Variants in ERBB4 observed in about 807,000 individuals in gnomAD.
ERBB4 encodes erb-b2 receptor tyrosine kinase 4, also known as receptor tyrosine-protein kinase erbB-4.
Under a neutral mutation model 158.0 loss-of-function variants are expected in ERBB4, and 42 were observed. The ratio of observed to expected loss-of-function variants is 0.27; its 90% CI spans 0.21 to 0.34. ERBB4 has a LOEUF of 0.34. Ranked by LOEUF, ERBB4 falls within the 10% of genes least tolerant of loss-of-function variation. ERBB4 has a pLI of 1.00. For missense variants in ERBB4, 1,333 were observed against 1,624.1 expected (o/e 0.82, Z 3.08); for synonymous variants, 583 against 558.7 (o/e 1.04, Z -0.61).
intron 2 of ERBB4, among the ~76,000 whole-genome samples, chr2:212,089,283 C>G (rs2078704393): frequency 6.6e-6 from 1 of 152,096 alleles, no homozygotes; most frequent in Admixed American, 6.6e-5. Context: ...GGGAATTCCA[C>G]TTTGGGAAAT....
At chr2:211,955,486 T>C (rs1328751435) in intron 2 of ERBB4, among the ~76,000 whole-genome samples, 5 of 152,118 alleles carry the variant, frequency 3.3e-5, no homozygotes, top group African/African-American at 9.7e-5. Flanking sequence ...TATTCCTGTA[T>C]CATAGACTTA....
chr2:211,399,668 G>C (rs550565133), intron 25 of ERBB4, among the ~76,000 whole-genome samples: 2 of 152,226 alleles, frequency 1.3e-5, no homozygotes, highest in African/African-American at 4.8e-5. Flanking sequence ...TCTTACAAAT[G>C]GGTGAGTGAT....
rs1193654581 is a variant in ERBB4 at position 211,755,327 on chromosome 2, C to T, written c.557-4623G>A. Among the ~76,000 whole-genome samples, 4 of 152,080 alleles carry T rather than the reference C, an allele frequency of 2.6e-5. No individual in the cohort carries two copies. The East Asian group carries it at 7.7e-4, about 29-fold the overall frequency. ...AACCAGCTTGGGCAACATGGCAAAA[C>T]CCGGCCTCTACAAAAAATGCAAAAA... On this transcript the variant is annotated intron_variant, in intron 4 of 27. Coordinates refer to ENST00000342788, the MANE Select transcript of ERBB4 (RefSeq NM_005235.3).
intron 4 of ERBB4, among the ~76,000 whole-genome samples, chr2:211,782,724 T>C (rs904410206): frequency 3.3e-5 from 5 of 152,160 alleles, no homozygotes; most frequent in Admixed American, 6.5e-5. Context: ...TCTGTTCCAT[T>C]GGTCTATATC....
chr2:211,905,051 C>T (rs1477018718), intron 3 of ERBB4, among the ~76,000 whole-genome samples: 1 of 152,096 alleles, frequency 6.6e-6, no homozygotes, highest in East Asian at 1.9e-4. Flanking sequence ...AAAAACAGCA[C>T]AAACTTACCG....
At chr2:211,899,722 A>C (rs2079185275) in intron 3 of ERBB4, among the ~76,000 whole-genome samples, 1 of 152,152 alleles carries the variant, frequency 6.6e-6, no homozygotes, top group African/African-American at 2.4e-5. Context: ...CCTTAATAGA[A>C]AAAGTAATGG....
chr2:212,150,457 C>T (rs890384821), intron 1 of ERBB4, among the ~76,000 whole-genome samples: 1 of 152,178 alleles, frequency 6.6e-6, no homozygotes, highest in Non-Finnish European at 1.5e-5. Context: ...TCACAATCTA[C>T]AATACTAGAG....
At position 212,003,140 on chromosome 2, in the gene ERBB4, GGAAGGAAGGAAAGAAA is replaced by G. The variant is rs1170821711; in HGVS notation, c.235-55540_235-55525del. On this transcript the variant is annotated intron_variant, in intron 2 of 27. Coordinates refer to ENST00000342788, the MANE Select transcript of ERBB4 (RefSeq NM_005235.3). ...AGGAAGGAAGGAAGGAAGGAAGGAAGGAAGGAAGGAAAGAAAGAAAGAAAGAAAGAAAGAAAGAAAG... is the reference window on the plus strand; with the variant it reads ...AGGAAGGAAGGAAGGAAGGAAGGAAGGAAAGAAAGAAAGAAAGAAAGAAAG... Among the ~76,000 whole-genome samples, 16 of 12,698 alleles carry G rather than the reference GGAAGGAAGGAAAGAAA, an allele frequency of 1.3e-3. 1 individual carries two copies. Among genetic ancestry groups the G allele is most frequent in the African/African-American group, 2.8e-3 (16 of 5,670 alleles). The allele number at this position is 12,698 out of a possible 152,430, so 8.3% of individuals were successfully genotyped here.
intron 1 of ERBB4, among the ~76,000 whole-genome samples, chr2:212,533,577 T>C (rs1485849961): frequency 2.0e-5 from 3 of 152,208 alleles, no homozygotes; most frequent in East Asian, 1.9e-4. Flanking sequence ...TCAGGAAACA[T>C]TGACCTACAA....
chr2:211,898,282 T>C (rs772629412), intron 3 of ERBB4, among the ~76,000 whole-genome samples: 24 of 152,176 alleles, frequency 1.6e-4, no homozygotes, highest in Non-Finnish European at 2.5e-4. Context: ...GATAGTTTAA[T>C]CATTTTGATA....
At chr2:212,004,338 T>C (rs2076210651) in intron 2 of ERBB4, among the ~76,000 whole-genome samples, 1 of 152,212 alleles carries the variant, frequency 6.6e-6, no homozygotes, top group Middle Eastern at 3.2e-3. Context: ...CCAAATAAGA[T>C]ACCCACAAAA....
At chr2:212,231,514 C>G (rs4233985) in intron 1 of ERBB4, among the ~76,000 whole-genome samples, 84,168 of 152,056 alleles carry the variant, frequency 0.55, 23,593 homozygotes, top group East Asian at 0.76. Flanking sequence ...TAAATGCCTT[C>G]AAAGAAACCT....
intron 3 of ERBB4, among the ~76,000 whole-genome samples, chr2:211,899,605 A>G (rs2079182339): frequency 6.6e-6 from 1 of 152,108 alleles, no homozygotes; most frequent in Non-Finnish European, 1.5e-5. Flanking sequence ...CTTACATTTG[A>G]TAAAAAGTTT....
At chr2:212,167,449 G>A (rs2081382002) in intron 1 of ERBB4, among the ~76,000 whole-genome samples, 1 of 152,114 alleles carries the variant, frequency 6.6e-6, no homozygotes, top group Admixed American at 6.6e-5. Flanking sequence ...ATACATGATG[G>A]TGAGGTTGTG....
Position 212,102,090 on chromosome 2 carries a change from T to TTATATATATATATATATATATATATATA in ERBB4, c.234+22661_234+22662insTATATATATATATATATATATATATATA, listed in dbSNP as rs57567965. On this transcript the variant is annotated intron_variant, in intron 2 of 27. Transcript: ENST00000342788. ...AAATCATATACGTTGAAAATTTATT[T>TTATATATATATATATATATATATATATA]TATATATATATATATATATATATGT... 9.9e-3 allele frequency among the ~76,000 whole-genome samples: 1,061 copies of TTATATATATATATATATATATATATATA among 107,478 alleles called. 46 individuals carry two copies. Among genetic ancestry groups the TTATATATATATATATATATATATATATA allele is most frequent in the Non-Finnish European group, 0.015 (736 of 48,152 alleles). The allele number at this position is 107,478 out of a possible 152,430, so 70.5% of individuals were successfully genotyped here.
chr2:211,887,322 G>C (rs773522825), intron 3 of ERBB4, among the ~76,000 whole-genome samples: 11 of 151,212 alleles, frequency 7.3e-5, no homozygotes, highest in Non-Finnish European at 1.6e-4. Context: ...GTAGTGATTA[G>C]TTAATGACTC....
At chr2:211,504,209 A>G (rs1490288063) in intron 20 of ERBB4, among the ~76,000 whole-genome samples, 1 of 152,140 alleles carries the variant, frequency 6.6e-6, no homozygotes, top group African/African-American at 2.4e-5. Flanking sequence ...ACTGAGAAAT[A>G]AGATAAGGCT....
intron 20 of ERBB4, among the ~76,000 whole-genome samples, chr2:211,431,719 T>C (rs547018019): frequency 8.5e-5 from 13 of 152,144 alleles, no homozygotes; most frequent in Non-Finnish European, 1.0e-4. Context: ...TCAGTAGTCA[T>C]TATGAGAATC....
At chr2:212,146,988 T>TC (rs2080697502) in intron 1 of ERBB4, among the ~76,000 whole-genome samples, 1 of 128,796 alleles carries the variant, frequency 7.8e-6, no homozygotes. Flanking sequence ...TTGTTAGACT[T>TC]TTTTTTTTTT....
Sources: allele counts gnomAD v4.1 joint callset (sites outside exome capture counted in the v4.1 genomes callset), GRCh38; gene constraint gnomAD v4.1.1; transcripts MANE v1.5; gene names NCBI Gene and HGNC (gene_info 2026-07-23, HGNC 2026-07-21).